The following AGPAT4 variants were observed in gnomAD, a reference collection of about 807,000 sequenced individuals.
AGPAT4 encodes 1-acylglycerol-3-phosphate O-acyltransferase 4, also known as 1-acyl-sn-glycerol-3-phosphate acyltransferase delta.
AGPAT4 carries 15 observed loss-of-function variants against 48.0 expected under a neutral mutation model. The observed-to-expected ratio is 0.31, with a 90% confidence interval of 0.21 to 0.48. The LOEUF (loss-of-function observed/expected upper bound fraction) is 0.48. Among genes scored for constraint, AGPAT4 ranks in the 20% least tolerant of loss-of-function variants. AGPAT4 has a pLI of 0.99. For missense variants in AGPAT4, 314 were observed against 482.5 expected, an observed-to-expected ratio of 0.65 and a Z score of 3.27; for synonymous variants, 178 against 198.7, an observed-to-expected ratio of 0.90 and a Z score of 0.88.
Position 161,245,100 on chromosome 6 carries a change from C to G in AGPAT4, c.-89-12798G>C, listed in dbSNP as rs1314529529. Among the ~76,000 whole-genome samples the G allele has an allele frequency of 6.6e-6, 1 of 152,254 alleles. No individual in the cohort carries two copies. Among genetic ancestry groups the G allele is most frequent in the Admixed American group, 6.5e-5 (1 of 15,286 alleles). On this transcript the variant is annotated intron_variant, in intron 1 of 8. Coordinates refer to ENST00000320285, the MANE Select transcript of AGPAT4 (RefSeq NM_020133.3). The surrounding 1 kb of genome is among the most constrained non-coding windows in gnomAD (Gnocchi z 5.2). ...TGGCCTATGCCAACCAGGGTAGAAA[C>G]CTCCTTGGGAATCGAGAAATTGCGA... is the stretch of plus-strand genomic sequence containing the variant.
rs1019570983 is a variant in AGPAT4 at position 161,130,688 on chromosome 6, G to A, written c.*5852C>T. 6.3e-6 allele frequency: 2 copies of A among 318,720 alleles called. No individual in the cohort carries two copies. Among genetic ancestry groups the A allele is most frequent in the African/African-American group, 4.3e-5 (2 of 46,868 alleles). The allele number at this position is 318,720 out of a possible 1,614,324, so 19.7% of individuals were successfully genotyped here. On this transcript the variant is annotated 3_prime_UTR_variant, in exon 9 of 9. Coordinates refer to ENST00000320285, the MANE Select transcript of AGPAT4 (RefSeq NM_020133.3). ...TCCCGTGAACATCTGTTGACTGTGG[G>A]CGGCCTGGGCCAGCCTTGCTGTGTT...
intron 2 of AGPAT4, among the ~76,000 whole-genome samples, chr6:161,224,226 A>C (rs186105471): frequency 6.6e-6 from 1 of 152,286 alleles, no homozygotes; most frequent in African/African-American, 2.4e-5. Flanking sequence ...AGAGGAGAAA[A>C]CAGAACAAGG....
intron 2 of AGPAT4, among the ~76,000 whole-genome samples, chr6:161,187,929 TA>T (rs1307421852): frequency 6.6e-6 from 1 of 152,220 alleles, no homozygotes; most frequent in African/African-American, 2.4e-5. Flanking sequence ...CTACATAAGA[TA>T]AATACCTGCT....
In AGPAT4 at chr6:161,238,395, CAG is replaced by C. The variant is rs975286231; in HGVS notation, c.-89-6095_-89-6094del. Among the ~76,000 whole-genome samples the C allele has an allele frequency of 6.6e-6, 1 of 152,214 alleles. No homozygotes were observed. Among genetic ancestry groups the C allele is most frequent in the Non-Finnish European group, 1.5e-5 (1 of 68,026 alleles). On this transcript the variant is annotated intron_variant, in intron 1 of 8. Transcript: ENST00000320285. This position sits in a 1 kb window ranked among gnomAD's most constrained non-coding sequence, Gnocchi z 5.2. The stretch of plus-strand genomic sequence containing the variant: ...GAAGGCAAAGAAGGAGCAGCTAAGA[CAG>C]ATGACTTCGTCTCTCCTGGGAAAGC...
chr6:161,174,385 G>C (rs1780367376), intron 2 of AGPAT4, among the ~76,000 whole-genome samples: 2 of 152,076 alleles, frequency 1.3e-5, no homozygotes, highest in African/African-American at 4.8e-5. Context: ...TGGATTCCTA[G>C]GTATTTTTTT....
chr6:161,160,863 C>T lies in AGPAT4; in HGVS notation c.348+5385G>A, dbSNP rs1022400544. Reference sequence around the variant, plus strand: ...ATGGGAAGGCAGAGCAGAGGCGTTACAGGGGTAGGTGGGAAAACAGGACGT... The same window carrying T: ...ATGGGAAGGCAGAGCAGAGGCGTTATAGGGGTAGGTGGGAAAACAGGACGT... On this transcript the variant is annotated intron_variant, in intron 3 of 8. Transcript: ENST00000320285. 6.1e-5 allele frequency: 24 copies of T among 390,774 alleles called. No homozygotes were observed. In the East Asian group the frequency reaches 1.7e-3, roughly 27 times the overall value. 24.2% of individuals were successfully genotyped at this position (390,774 alleles called of 1,614,324 possible).
In AGPAT4 at chr6:161,206,334, A is replaced by C. The variant is rs1001277255; in HGVS notation, c.178+25702T>G. Among the ~76,000 whole-genome samples, 1 of 152,060 alleles carries C rather than the reference A, an allele frequency of 6.6e-6. No individual in the cohort carries two copies. The highest frequency in any genetic ancestry group is 1.5e-5 in the Non-Finnish European group (1 of 67,998). ...TCCATCATTCTCCAGTGATAATGAGACCACCCTTTTCCTCAACACAATAAA... is the reference window on the plus strand; with the variant it reads ...TCCATCATTCTCCAGTGATAATGAGCCCACCCTTTTCCTCAACACAATAAA... On this transcript the variant is annotated intron_variant, in intron 2 of 8. Coordinates refer to ENST00000320285, the MANE Select transcript of AGPAT4 (RefSeq NM_020133.3). The surrounding 1 kb of genome is among the most constrained non-coding windows in gnomAD (Gnocchi z 4.8).
In AGPAT4 at chr6:161,148,472, G is replaced by C. The variant is rs2114960766; in HGVS notation, c.767+715C>G. ...TGTAATGTGGCTTCTGTAAGGTCTT[G>C]AATCAGAAGGTTATACGCCCCTGGA... On this transcript the variant is annotated intron_variant, in intron 6 of 8. Transcript: ENST00000320285. This position sits in a 1 kb window ranked among gnomAD's most constrained non-coding sequence, Gnocchi z 5.5. 6.6e-6 allele frequency among the ~76,000 whole-genome samples: 1 copy of C among 152,308 alleles called. No homozygotes were observed. The highest frequency in any genetic ancestry group is 1.9e-4 in the East Asian group (1 of 5,186).
At position 161,144,214 on chromosome 6, in the gene AGPAT4, C is replaced by CAGA; in HGVS notation, c.843+2309_843+2310insTCT. 2 of 532,180 alleles carry CAGA rather than the reference C, an allele frequency of 3.8e-6. No homozygotes were observed. The highest frequency in any genetic ancestry group is 3.9e-5 in the Admixed American group (2 of 51,418). 33.0% of individuals were successfully genotyped at this position (532,180 alleles called of 1,614,324 possible). A position where few individuals can be genotyped will look rare whatever the true frequency, so the allele number is the denominator to read the frequency against. Reference sequence around the variant, plus strand: ...CTCGGAAGGGCAAAGGGCCAGCCTCCCAGGCCTGCTCACAGACACATACTG... The same window carrying CAGA: ...CTCGGAAGGGCAAAGGGCCAGCCTCCAGACAGGCCTGCTCACAGACACATACTG... On this transcript the variant is annotated intron_variant, in intron 7 of 8. Transcript: ENST00000320285. This position sits in a 1 kb window ranked among gnomAD's most constrained non-coding sequence, Gnocchi z 6.6.
chr6:161,261,964 A>G lies in AGPAT4; in HGVS notation c.-90+11974T>C, dbSNP rs535316521. Among the ~76,000 whole-genome samples the G allele has an allele frequency of 8.5e-5, 13 of 152,292 alleles. No individual in the cohort carries two copies. Among genetic ancestry groups the G allele is most frequent in the South Asian group, 4.1e-4 (2 of 4,822 alleles). The stretch of plus-strand genomic sequence containing the variant: ...AAGACTGCTGACCCCCAGGCTCCCC[A>G]TCTGTGAAATGGAGATAAGAAGAGT... On this transcript the variant is annotated intron_variant, in intron 1 of 8. Coordinates refer to ENST00000320285, the MANE Select transcript of AGPAT4 (RefSeq NM_020133.3). The surrounding 1 kb of genome is among the most constrained non-coding windows in gnomAD (Gnocchi z 5.3).
intron 2 of AGPAT4, among the ~76,000 whole-genome samples, chr6:161,209,739 A>G (rs921757303): frequency 6.6e-6 from 1 of 152,198 alleles, no homozygotes; most frequent in African/African-American, 2.4e-5. Context: ...CTTTCGGAAC[A>G]GTATGTACCT....
rs1340961332 is a variant in AGPAT4, at chr6:161,139,659, G to A, written c.844-39C>T. Reference sequence around the variant, plus strand: ...AAGAGGACCCTCAGACGCCACACGGGGCTCGGTGGCAGGTCCCTCCCGAGG... The same window carrying A: ...AAGAGGACCCTCAGACGCCACACGGAGCTCGGTGGCAGGTCCCTCCCGAGG... On this transcript the variant is annotated intron_variant, in intron 7 of 8. Coordinates refer to ENST00000320285, the MANE Select transcript of AGPAT4 (RefSeq NM_020133.3). This position sits in a 1 kb window ranked among gnomAD's most constrained non-coding sequence, Gnocchi z 9.1. The A allele has an allele frequency of 1.3e-6, 2 of 1,532,608 alleles. No homozygotes were observed. Among genetic ancestry groups the A allele is most frequent in the Admixed American group, 1.9e-5 (1 of 52,342 alleles). The allele number at this position is 1,532,608 out of a possible 1,614,324, so 94.9% of individuals were successfully genotyped here.
Position 161,266,110 on chromosome 6 carries a change from A to G in AGPAT4, c.-90+7828T>C, listed in dbSNP as rs1783257089. The stretch of plus-strand genomic sequence containing the variant: ...CTCTAGGGGATTTTTGGCTGTCACA[A>G]GTAGGAGTGGGGTGACTACTCCTGG... On this transcript the variant is annotated intron_variant, in intron 1 of 8. Coordinates refer to ENST00000320285, the MANE Select transcript of AGPAT4 (RefSeq NM_020133.3). This position sits in a 1 kb window ranked among gnomAD's most constrained non-coding sequence, Gnocchi z 6.2. Among the ~76,000 whole-genome samples, 1 of 152,072 alleles carries G rather than the reference A, an allele frequency of 6.6e-6. No individual in the cohort carries two copies. The highest frequency in any genetic ancestry group is 2.4e-5 in the African/African-American group (1 of 41,416).
At chr6:161,213,205 T>C (rs1161195340) in intron 2 of AGPAT4, among the ~76,000 whole-genome samples, 1 of 152,222 alleles carries the variant, frequency 6.6e-6, no homozygotes, top group Non-Finnish European at 1.5e-5. Context: ...AAGTCTTATC[T>C]GAGATTCCTC....
Position 161,245,171 on chromosome 6 carries a change from G to A in AGPAT4, c.-89-12869C>T, listed in dbSNP as rs1562355164. On this transcript the variant is annotated intron_variant, in intron 1 of 8. Coordinates refer to ENST00000320285, the MANE Select transcript of AGPAT4 (RefSeq NM_020133.3). This position sits in a 1 kb window ranked among gnomAD's most constrained non-coding sequence, Gnocchi z 5.2. ...ATAAATGCAGCAGGGGAGGTAGCCA[G>A]TATTTAGAGTCAGGGGACCTGAGTG... Among the ~76,000 whole-genome samples the A allele has an allele frequency of 6.6e-6, 1 of 152,254 alleles. No individual in the cohort carries two copies. Among genetic ancestry groups the A allele is most frequent in the Non-Finnish European group, 1.5e-5 (1 of 68,052 alleles).
intron 2 of AGPAT4, among the ~76,000 whole-genome samples, chr6:161,193,574 C>T (rs1780983538): frequency 6.6e-6 from 1 of 152,220 alleles, no homozygotes; most frequent in African/African-American, 2.4e-5. Context: ...GAGTTGGCCA[C>T]TAGACCTGTG....
At position 161,169,950 on chromosome 6, in the gene AGPAT4, C is replaced by G. The variant is rs1780215623; in HGVS notation, c.179-3533G>C. On this transcript the variant is annotated intron_variant, in intron 2 of 8. Transcript: ENST00000320285. The surrounding 1 kb of genome is among the most constrained non-coding windows in gnomAD (Gnocchi z 5.0). ...TCACGTCTTCAGCACAAAGCAGCGGCTAGGCCTGCTACTGCTCCTCCTTCC... is the reference window on the plus strand; with the variant it reads ...TCACGTCTTCAGCACAAAGCAGCGGGTAGGCCTGCTACTGCTCCTCCTTCC... 6.6e-6 allele frequency among the ~76,000 whole-genome samples: 1 copy of G among 152,160 alleles called. No homozygotes were observed. The highest frequency in any genetic ancestry group is 2.4e-5 in the African/African-American group (1 of 41,440).
Position 161,222,880 on chromosome 6 carries a change from C to T in AGPAT4, c.178+9156G>A, listed in dbSNP as rs1034600905. On this transcript the variant is annotated intron_variant, in intron 2 of 8. Coordinates refer to ENST00000320285, the MANE Select transcript of AGPAT4 (RefSeq NM_020133.3). The surrounding 1 kb of genome is among the most constrained non-coding windows in gnomAD (Gnocchi z 5.9). ...TGACATTTGATAGGTCCATCTCCTT[C>T]GGGTGCCTGGCTGCCTGAATAAACC... Among the ~76,000 whole-genome samples, 1 of 152,140 alleles carries T rather than the reference C, an allele frequency of 6.6e-6. No individual in the cohort carries two copies. The highest frequency in any genetic ancestry group is 2.4e-5 in the African/African-American group (1 of 41,426).
rs1432740534 is a variant in AGPAT4, at chr6:161,233,617, T to C, written c.-89-1315A>G. Reference sequence around the variant, plus strand: ...TTTTCACTTTCAGTACAGTATTCAATAAATTACAAGGCCTATTCAGCACTT... The same window carrying C: ...TTTTCACTTTCAGTACAGTATTCAACAAATTACAAGGCCTATTCAGCACTT... On this transcript the variant is annotated intron_variant, in intron 1 of 8. Transcript: ENST00000320285. The surrounding 1 kb of genome is among the most constrained non-coding windows in gnomAD (Gnocchi z 5.4). Among the ~76,000 whole-genome samples, 1 of 152,214 alleles carries C rather than the reference T, an allele frequency of 6.6e-6. No individual in the cohort carries two copies. Among genetic ancestry groups the C allele is most frequent in the Non-Finnish European group, 1.5e-5 (1 of 68,044 alleles).
Sources: allele counts gnomAD v4.1 joint callset (sites outside exome capture counted in the v4.1 genomes callset), GRCh38; gene constraint gnomAD v4.1.1; non-coding constraint Gnocchi (gnomAD v3.1); transcripts MANE v1.5; gene names NCBI Gene and HGNC (gene_info 2026-07-23, HGNC 2026-07-21).